DLG2: variants seen among roughly 807,000 people sequenced by gnomAD.
DLG2 encodes disks large homolog 2.
DLG2 carries 45 observed loss-of-function variants against 132.5 expected under a neutral mutation model. The ratio of observed to expected loss-of-function variants is 0.34; its 90% CI spans 0.27 to 0.44. The LOEUF (loss-of-function observed/expected upper bound fraction) is 0.44, where lower values mean the gene tolerates loss of function less well. DLG2 is among the 20% of genes least tolerant of loss of function. The pLI is 1.00. For synonymous variants in DLG2, 424 were observed against 419.6 expected, an observed-to-expected ratio of 1.01 and a Z score of -0.13; for missense variants, 1,045 against 1,196.9, an observed-to-expected ratio of 0.87 and a Z score of 1.87.
intron 7 of DLG2, among the ~76,000 whole-genome samples, chr11:84,512,722 A>T (rs779452460): frequency 2.0e-5 from 3 of 152,098 alleles, no homozygotes; most frequent in Non-Finnish European, 4.4e-5. Flanking sequence ...ATAATATAGC[A>T]AAGTGCTGAG....
chr11:84,017,487 A>G (rs533077542), intron 11 of DLG2, among the ~76,000 whole-genome samples: 4 of 152,158 alleles, frequency 2.6e-5, no homozygotes, highest in Admixed American at 6.6e-5. Flanking sequence ...TATCTCACAA[A>G]TTATGTATCT....
At chr11:85,039,134 T>A (rs1408617303) in intron 6 of DLG2, among the ~76,000 whole-genome samples, 1 of 151,978 alleles carries the variant, frequency 6.6e-6, no homozygotes, top group African/African-American at 2.4e-5. Context: ...CCTAAATTTT[T>A]GGAATTGCTG....
At chr11:83,621,016 GA>G (rs143700370) in intron 19 of DLG2, among the ~76,000 whole-genome samples, 5,167 of 151,716 alleles carry the variant, frequency 0.034, 292 homozygotes, top group African/African-American at 0.12. Flanking sequence ...TATATGGATA[GA>G]AAAAATATGG....
chr11:84,571,213 T>G (rs1337228105), intron 6 of DLG2, among the ~76,000 whole-genome samples: 1 of 152,106 alleles, frequency 6.6e-6, no homozygotes, highest in East Asian at 1.9e-4. Flanking sequence ...CTCACTCCCC[T>G]ACCTCCTTTT....
chr11:84,754,773 C>T (rs139338271), intron 6 of DLG2, among the ~76,000 whole-genome samples: 6 of 152,092 alleles, frequency 3.9e-5, no homozygotes, highest in South Asian at 2.1e-4. Flanking sequence ...TAAACCTTAG[C>T]GTGAACCATG....
chr11:85,344,419 G>A (rs1017080774), intron 3 of DLG2, among the ~76,000 whole-genome samples: 1 of 152,014 alleles, frequency 6.6e-6, no homozygotes, highest in South Asian at 2.1e-4. Flanking sequence ...GACGGACAGA[G>A]GCAGAAATAA....
intron 3 of DLG2, among the ~76,000 whole-genome samples, chr11:85,353,616 A>G (rs538349131): frequency 2.0e-5 from 3 of 152,330 alleles, no homozygotes; most frequent in African/African-American, 7.2e-5. Context: ...AGACTGGATT[A>G]AGAAAATGTG....
intron 8 of DLG2, among the ~76,000 whole-genome samples, chr11:84,195,471 T>C (rs925709115): frequency 1.3e-5 from 2 of 152,168 alleles, no homozygotes; most frequent in African/African-American, 4.8e-5. Flanking sequence ...GCCTTGCCTC[T>C]ACTCTTCTCC....
intron 7 of DLG2, among the ~76,000 whole-genome samples, chr11:84,302,997 T>G (rs965075307): frequency 1.3e-5 from 2 of 151,994 alleles, no homozygotes; most frequent in Non-Finnish European, 2.9e-5. Flanking sequence ...GGCGTGTGCC[T>G]GTAGTTCCAG....
chr11:85,426,380 T>C (rs1202518517), intron 3 of DLG2, among the ~76,000 whole-genome samples: 1 of 152,046 alleles, frequency 6.6e-6, no homozygotes, highest in Non-Finnish European at 1.5e-5. Flanking sequence ...CACCCCCCAG[T>C]AGGGGCAGAC....
chr11:84,571,128 C>A (rs1413138950), intron 6 of DLG2, among the ~76,000 whole-genome samples: 1 of 152,058 alleles, frequency 6.6e-6, no homozygotes, highest in East Asian at 1.9e-4. Flanking sequence ...AAAGGAGGTA[C>A]CCTGTTTTTT....
chr11:83,979,831 C>T (rs1217341173), intron 12 of DLG2, among the ~76,000 whole-genome samples: 2 of 152,028 alleles, frequency 1.3e-5, no homozygotes, highest in African/African-American at 4.8e-5. Context: ...TTATGCAAAC[C>T]CCACCTCTCC....
At chr11:85,128,506 T>C (rs1470165830) in intron 5 of DLG2, among the ~76,000 whole-genome samples, 1 of 152,186 alleles carries the variant, frequency 6.6e-6, no homozygotes, top group Non-Finnish European at 1.5e-5. Flanking sequence ...TCTGTTCTTA[T>C]ATCAAATCCT....
intron 18 of DLG2, among the ~76,000 whole-genome samples, chr11:83,711,746 G>T (rs1201163626): frequency 1.3e-5 from 2 of 152,102 alleles, no homozygotes; most frequent in Non-Finnish European, 2.9e-5. Context: ...TTTTATTAGG[G>T]TTTACAGGAA....
intron 6 of DLG2, among the ~76,000 whole-genome samples, chr11:84,944,763 C>A (rs891042194): frequency 6.6e-6 from 1 of 151,942 alleles, no homozygotes; most frequent in Non-Finnish European, 1.5e-5. Flanking sequence ...TGCCACCATG[C>A]CCGGCTAATT....
At chr11:84,544,207 A>G (rs1366384484) in intron 6 of DLG2, among the ~76,000 whole-genome samples, 1 of 152,228 alleles carries the variant, frequency 6.6e-6, no homozygotes, top group Non-Finnish European at 1.5e-5. Flanking sequence ...AGACTCACAC[A>G]GGAGAGGTAA....
At chr11:83,838,116 G>A (rs1453466239) in intron 16 of DLG2, among the ~76,000 whole-genome samples, 1 of 152,106 alleles carries the variant, frequency 6.6e-6, no homozygotes, top group Non-Finnish European at 1.5e-5. Context: ...TGTGCTTGAT[G>A]CTTTATATGA....
rs571390496 is a variant in DLG2 at position 84,249,848 on chromosome 11, G to A, written c.573+1390C>T. 3.3e-5 allele frequency among the ~76,000 whole-genome samples: 5 copies of A among 152,276 alleles called. No homozygotes were observed. The South Asian group carries it at 1.0e-3, about 32-fold the overall frequency. ...GTTCAGAAAGATTTAAGAAGCCCTA[G>A]TTCAGTAGTTCAGGTGATTCAGCAT... On this transcript the variant is annotated intron_variant, in intron 8 of 27. Transcript: ENST00000376104.
At chr11:83,717,817 C>T (rs2087120664) in intron 18 of DLG2, among the ~76,000 whole-genome samples, 1 of 152,174 alleles carries the variant, frequency 6.6e-6, no homozygotes, top group Non-Finnish European at 1.5e-5. Flanking sequence ...AAAAAGGTGG[C>T]CTTGCAGACT....
Sources: allele counts gnomAD v4.1 joint callset (sites outside exome capture counted in the v4.1 genomes callset), GRCh38; gene constraint gnomAD v4.1.1; transcripts MANE v1.5; gene names NCBI Gene and HGNC (gene_info 2026-07-23, HGNC 2026-07-21).